The following RARB variants were observed in gnomAD, a reference collection of about 807,000 sequenced individuals.
The protein encoded by RARB is HBV-activated protein.
RARB carries 17 observed loss-of-function variants against 51.9 expected under a neutral mutation model. That is an observed-to-expected ratio of 0.33 (90% CI 0.22 to 0.49). RARB has a LOEUF of 0.49. Among genes scored for constraint, RARB ranks in the 20% least tolerant of loss-of-function variants. The probability of loss-of-function intolerance (pLI) is 0.99; values close to 1 mark genes in which losing one functional copy is unlikely to be tolerated. For missense variants in RARB, 369 were observed against 550.8 expected (o/e 0.67, Z 3.30); for synonymous variants, 215 against 195.4 (o/e 1.10, Z -0.84).
intron 5 of RARB, among the ~76,000 whole-genome samples, chr3:25,412,475 T>G (rs957381259): frequency 6.6e-6 from 1 of 152,226 alleles, no homozygotes; most frequent in African/African-American, 2.4e-5. Flanking sequence ...CCTGCTCATG[T>G]TGAGAGCTCC....
intron 5 of RARB, among the ~76,000 whole-genome samples, chr3:25,348,318 A>G (rs1212634275): frequency 6.6e-6 from 1 of 151,174 alleles, no homozygotes; most frequent in Non-Finnish European, 1.5e-5. Flanking sequence ...ATTATCTTAA[A>G]TAAAAATTTA....
At chr3:25,216,627 G>A (rs1487313486) in intron 5 of RARB, among the ~76,000 whole-genome samples, 1 of 152,030 alleles carries the variant, frequency 6.6e-6, no homozygotes, top group Non-Finnish European at 1.5e-5. Flanking sequence ...GGATGGGTCA[G>A]TAGGTGCAGC....
intron 3 of RARB, among the ~76,000 whole-genome samples, chr3:25,107,229 T>C (rs1699524333): frequency 6.6e-6 from 1 of 152,174 alleles, no homozygotes; most frequent in African/African-American, 2.4e-5. Context: ...GCCATCAAGC[T>C]ATCAGATGCC....
intron 2 of RARB, among the ~76,000 whole-genome samples, chr3:24,985,431 T>C (rs1469853454): frequency 1.3e-5 from 2 of 152,046 alleles, no homozygotes; most frequent in African/African-American, 4.8e-5. Context: ...CTGTGACTTT[T>C]CTGATAAACG....
At chr3:25,295,237 C>A (rs887739503) in intron 5 of RARB, among the ~76,000 whole-genome samples, 1 of 152,098 alleles carries the variant, frequency 6.6e-6, no homozygotes, top group Non-Finnish European at 1.5e-5. Context: ...CTCAGAAATC[C>A]ACATGTTGAA....
intron 2 of RARB, among the ~76,000 whole-genome samples, chr3:25,474,246 C>T (rs750644142): frequency 6.6e-6 from 1 of 152,174 alleles, no homozygotes; most frequent in Non-Finnish European, 1.5e-5. Context: ...CAGTAGGGAT[C>T]ATCTGACTAT....
chr3:25,227,624 C>T (rs955297724), intron 5 of RARB, among the ~76,000 whole-genome samples: 1 of 152,128 alleles, frequency 6.6e-6, no homozygotes, highest in Non-Finnish European at 1.5e-5. Flanking sequence ...CCATTCCCAT[C>T]ACAACTATAT....
chr3:24,968,580 G>A lies in RARB; in HGVS notation c.-379-91545G>A, dbSNP rs80200197. On this transcript the variant is annotated intron_variant, in intron 2 of 11. Transcript: ENST00000383772. ...CATTTGACAGGTGACCTGGAGATTG[G>A]TTAGTCCCTTATGGTCTCACTCACA... Among the ~76,000 whole-genome samples, 1,260 of 152,188 alleles carry A rather than the reference G, an allele frequency of 8.3e-3. 19 individuals carry two copies. The highest frequency in any genetic ancestry group is 0.024 in the Middle Eastern group (7 of 294).
intron 3 of RARB, among the ~76,000 whole-genome samples, chr3:25,512,048 C>A (rs747231700): frequency 6.6e-6 from 1 of 152,136 alleles, no homozygotes; most frequent in Non-Finnish European, 1.5e-5. Context: ...CTGTGTACAC[C>A]AAGTTGCTTG....
At chr3:25,230,397 C>T (rs2125389870) in intron 5 of RARB, among the ~76,000 whole-genome samples, 1 of 152,068 alleles carries the variant, frequency 6.6e-6, no homozygotes, top group East Asian at 1.9e-4. Context: ...CCCTTTTCTC[C>T]CACTCATCCC....
intron 2 of RARB, among the ~76,000 whole-genome samples, chr3:24,991,890 G>T (rs890328646): frequency 6.6e-6 from 1 of 151,642 alleles, no homozygotes. Flanking sequence ...ATCTCCCCCT[G>T]CCCCCAGCAT....
intron 2 of RARB, among the ~76,000 whole-genome samples, chr3:25,042,400 C>T (rs1698131170): frequency 6.6e-6 from 1 of 152,150 alleles, no homozygotes; most frequent in Admixed American, 6.5e-5. Flanking sequence ...TAAAATGTTC[C>T]AGAATGCTCT....
intron 1 of RARB, among the ~76,000 whole-genome samples, chr3:25,432,653 C>G (rs375440314): frequency 6.6e-6 from 1 of 151,760 alleles, no homozygotes; most frequent in Non-Finnish European, 1.5e-5. Flanking sequence ...AATTTACCTT[C>G]GACATATGTT....
chr3:25,065,322 TAAAA>T (rs1210207997), intron 3 of RARB, among the ~76,000 whole-genome samples: 1 of 152,200 alleles, frequency 6.6e-6, no homozygotes, highest in Non-Finnish European at 1.5e-5. Flanking sequence ...ATACAAGTGT[TAAAA>T]AACTCGTTAT....
chr3:24,885,013 G>A (rs990050062), intron 2 of RARB, among the ~76,000 whole-genome samples: 4 of 152,134 alleles, frequency 2.6e-5, no homozygotes, highest in South Asian at 2.1e-4. Flanking sequence ...GACTCCAGGC[G>A]AAGAATATTA....
chr3:25,324,638 C>A, intron 5 of RARB: 1 of 173,392 alleles, frequency 5.8e-6, no homozygotes, highest in South Asian at 1.6e-4. Context: ...GTGCCATTAT[C>A]TCCCTGGAGG....
intron 5 of RARB, among the ~76,000 whole-genome samples, chr3:25,207,767 T>C (rs1175977264): frequency 1.3e-5 from 2 of 152,202 alleles, no homozygotes; most frequent in Admixed American, 1.3e-4. Context: ...AATGAACGAA[T>C]GCAATTAAGA....
intron 2 of RARB, among the ~76,000 whole-genome samples, chr3:24,898,524 A>G (rs1187815052): frequency 2.6e-5 from 4 of 152,208 alleles, no homozygotes; most frequent in East Asian, 1.9e-4. Context: ...AATTATAGCA[A>G]TGTTTGAAAA....
intron 2 of RARB, among the ~76,000 whole-genome samples, chr3:24,880,790 C>A (rs1266529301): frequency 6.6e-6 from 1 of 152,242 alleles, no homozygotes; most frequent in Non-Finnish European, 1.5e-5. Flanking sequence ...ACTCTTCTCA[C>A]TAACTTTATT....
Sources: gnomAD v4.1 joint callset for allele counts (sites outside exome capture counted in the v4.1 genomes callset) on GRCh38, gnomAD v4.1.1 for gene constraint, MANE v1.5 for transcripts, NCBI Gene and HGNC (gene_info 2026-07-23, HGNC 2026-07-21) for gene names.